Variants in ANXA8 observed in about 807,000 individuals in gnomAD.
The protein encoded by ANXA8 is VAC-beta.
A neutral mutation model predicts 26.8 loss-of-function variants in ANXA8; 9 were observed. That is an observed-to-expected ratio of 0.34 (90% CI 0.20 to 0.59). ANXA8 has a LOEUF of 0.59. Ranked by LOEUF, ANXA8 falls within the 20% of genes least tolerant of loss-of-function variation. ANXA8 has a pLI of 0.84. For missense variants in ANXA8, 83 were observed against 238.5 expected (o/e 0.35, Z 4.29); for synonymous variants, 39 against 94.8 (o/e 0.41, Z 3.42).
At chr10:47,561,529 T>C in the ANXA8 span, among the ~76,000 whole-genome samples, 1 of 151,874 alleles carries the variant, frequency 6.6e-6, no homozygotes, top group African/African-American at 2.4e-5. Context: ...ATCACCCCCA[T>C]CCCCAATGTT....
intron 1 of ANXA8, 98 bp downstream of exon 1, chr10:47,483,815 A>G (rs1588934055): frequency 6.2e-7 from 1 of 1,609,722 alleles, no homozygotes; most frequent in Admixed American, 1.7e-5. Flanking sequence ...AGACTGAGCC[A>G]CTCCCAGCCA....
At chr10:47,937,168 C>T in the ANXA8 span, among the ~76,000 whole-genome samples, 2 of 149,986 alleles carry the variant, frequency 1.3e-5, no homozygotes, top group East Asian at 3.9e-4. Context: ...CACCCAGAAG[C>T]TATGGGGGCT....
chr10:47,986,534 C>T, the ANXA8 span: 2 of 315,654 alleles, frequency 6.3e-6, no homozygotes, highest in Non-Finnish European at 6.2e-6. Flanking sequence ...CGGCAGGTCG[C>T]TCCTCAGGGA....
chr10:47,485,641 C>T (rs1840024948), upstream of ANXA8, among the ~76,000 whole-genome samples: 1 of 151,886 alleles, frequency 6.6e-6, no homozygotes, highest in East Asian at 1.9e-4. Flanking sequence ...ATAGGGGATG[C>T]AATATTTTTA....
chr10:47,756,607 G>A, the ANXA8 span, among the ~76,000 whole-genome samples: 2 of 152,180 alleles, frequency 1.3e-5, no homozygotes, highest in South Asian at 4.1e-4. Context: ...GTGAGGGTCA[G>A]AGTCACAGTG....
the ANXA8 span, among the ~76,000 whole-genome samples, chr10:47,702,790 C>T: frequency 6.6e-6 from 1 of 151,580 alleles, no homozygotes; most frequent in African/African-American, 2.4e-5. Flanking sequence ...TGCACTACCA[C>T]GCCTGGCTAA....
chr10:47,572,410 C>G, the ANXA8 span, among the ~76,000 whole-genome samples: 4 of 148,454 alleles, frequency 2.7e-5, no homozygotes, highest in Non-Finnish European at 5.9e-5. Flanking sequence ...AGACCGTGCT[C>G]TCTATATAAG....
At chr10:47,938,941 G>A in the ANXA8 span, among the ~76,000 whole-genome samples, 4 of 142,282 alleles carry the variant, frequency 2.8e-5, no homozygotes, top group Non-Finnish European at 4.5e-5. Flanking sequence ...ACAAACTGCA[G>A]CGAAGGCCCC....
chr10:47,674,965 G>A, the ANXA8 span, among the ~76,000 whole-genome samples: 8 of 149,764 alleles, frequency 5.3e-5, no homozygotes, highest in Non-Finnish European at 1.0e-4. Flanking sequence ...AAAGCATGTA[G>A]TATATGCTTT....
the ANXA8 span, among the ~76,000 whole-genome samples, chr10:47,733,234 T>C: frequency 6.1e-5 from 2 of 32,850 alleles, no homozygotes; most frequent in African/African-American, 1.3e-4. Flanking sequence ...TTTCTTTCTC[T>C]CTTTCTTTCT....
the ANXA8 span, among the ~76,000 whole-genome samples, chr10:47,895,152 C>T: frequency 1.3e-5 from 2 of 150,930 alleles, no homozygotes; most frequent in African/African-American, 4.9e-5. Flanking sequence ...TAAGTGAGTA[C>T]AGTACCTGCA....
chr10:47,726,727 C>G, the ANXA8 span: 5 of 711,554 alleles, frequency 7.0e-6, no homozygotes, highest in South Asian at 6.8e-5. Context: ...TTGTTTTAAG[C>G]ATTAAAATTA....
the ANXA8 span, among the ~76,000 whole-genome samples, chr10:47,521,660 C>G: frequency 6.8e-6 from 1 of 148,054 alleles, no homozygotes; most frequent in Non-Finnish European, 1.5e-5. Context: ...CCCAGAATTA[C>G]TTTTACTTAG....
the ANXA8 span, among the ~76,000 whole-genome samples, chr10:47,655,503 A>T: frequency 4.2e-4 from 62 of 149,166 alleles, no homozygotes; most frequent in Middle Eastern, 0.017. Flanking sequence ...GTTTGAAGTG[A>T]TGGGCCATTG....
the ANXA8 span, among the ~76,000 whole-genome samples, chr10:47,525,638 G>GATT: frequency 0.025 from 3,376 of 133,688 alleles, 151 homozygotes; most frequent in Middle Eastern, 0.045. Flanking sequence ...TGACATTGTA[G>GATT]ATTATTATTA....
At chr10:47,929,578 C>G in the ANXA8 span, among the ~76,000 whole-genome samples, 1 of 138,006 alleles carries the variant, frequency 7.2e-6, no homozygotes, top group Non-Finnish European at 1.6e-5. Context: ...AGACACCAGT[C>G]AGCATCTCAA....
At chr10:47,981,902 G>T in the ANXA8 span, among the ~76,000 whole-genome samples, 1 of 152,114 alleles carries the variant, frequency 6.6e-6, no homozygotes, top group Non-Finnish European at 1.5e-5. Context: ...GAAAGATTGT[G>T]TGCCTTTTTC....
the ANXA8 span, among the ~76,000 whole-genome samples, chr10:47,693,315 A>G: frequency 1.5e-3 from 215 of 145,962 alleles, 2 homozygotes; most frequent in African/African-American, 5.4e-3. Context: ...TTTGAGACGG[A>G]GTCTGGCTCT....
chr10:47,730,598 A>G, the ANXA8 span, among the ~76,000 whole-genome samples: 1 of 152,294 alleles, frequency 6.6e-6, no homozygotes, highest in East Asian at 1.9e-4. Flanking sequence ...TTCTAAGAAA[A>G]TCCTGTGAGG....
Sources: gnomAD v4.1 joint callset for allele counts (sites outside exome capture counted in the v4.1 genomes callset) on GRCh38, gnomAD v4.1.1 for gene constraint, MANE v1.5 for transcripts, NCBI Gene and HGNC (gene_info 2026-07-23, HGNC 2026-07-21) for gene names.